The following AHR variants were observed in gnomAD, a reference collection of about 807,000 sequenced individuals.
AHR encodes the protein aryl hydrocarbon receptor.
A neutral mutation model predicts 86.8 loss-of-function variants in AHR; 40 were observed. The ratio of observed to expected loss-of-function variants is 0.46; its 90% confidence interval spans 0.36 to 0.60. The LOEUF (loss-of-function observed/expected upper bound fraction) is 0.60. Ranked by LOEUF, AHR falls within the 20% of genes least tolerant of loss-of-function variation. AHR has a pLI of 0.00. For missense variants in AHR, 1,001 were observed against 1,011.6 expected, an observed-to-expected ratio of 0.99 and a Z score of 0.14; for synonymous variants, 398 against 354.9, an observed-to-expected ratio of 1.12 and a Z score of -1.37.
rs553040039 is a variant in AHR at position 17,324,497 on chromosome 7, A to C, written c.360+1890A>C. ...TTGCTTAACAAAGGCATATGAAGAA[A>C]ATGTTACAAAAATTTTTATTAAAGG... On this transcript the variant is annotated intron_variant, in intron 3 of 10. Coordinates refer to ENST00000242057, the MANE Select transcript of AHR (RefSeq NM_001621.5). Among the ~76,000 whole-genome samples, 8 of 152,286 alleles carry C rather than the reference A, an allele frequency of 5.3e-5. No individual in the cohort carries two copies. The South Asian group carries it at 1.7e-3, about 32-fold the overall frequency.
At chr7:17,340,954 C>T (rs1584044298) in intron 10 of AHR, among the ~76,000 whole-genome samples, 1 of 151,966 alleles carries the variant, frequency 6.6e-6, no homozygotes, top group East Asian at 1.9e-4. Context: ...AGTGAGCACA[C>T]TTTAAATCTA....
At chr7:17,330,996 G>A in intron 6 of AHR, 110 bp downstream of exon 6, 2 of 1,194,896 alleles carry the variant, frequency 1.7e-6, no homozygotes, top group East Asian at 2.5e-5. Flanking sequence ...CCCAAATCAG[G>A]CAACCCTCAG....
At chr7:17,330,685 T>C in intron 5 of AHR, 71 bp from the exon 6 acceptor site, 1 of 1,376,076 alleles carries the variant, frequency 7.3e-7, no homozygotes, top group Non-Finnish European at 9.7e-7. Flanking sequence ...CTAATACAAA[T>C]TTTACCTATT....
At chr7:17,309,802 A>C in intron 1 of AHR, 134 bp from the exon 2 acceptor site, 1 of 697,846 alleles carries the variant, frequency 1.4e-6, no homozygotes, top group South Asian at 3.5e-5. Context: ...TTTTAGAAAG[A>C]CTTACGTAAA....
Position 17,329,909 on chromosome 7 carries a change from T to C in AHR, c.451-43T>C, listed in dbSNP as rs768951335. 3 of 1,549,424 alleles carry C rather than the reference T, an allele frequency of 1.9e-6. No homozygotes were observed. The East Asian group carries it at 6.8e-5, about 35-fold the overall frequency. On this transcript the variant is annotated intron_variant, in intron 4 of 10. Coordinates refer to ENST00000242057, the MANE Select transcript of AHR (RefSeq NM_001621.5). Reference sequence around the variant, plus strand: ...TTAAAATTAATTTAGCCATATTTTTTAATCAGTCCTTTTGTTGTATTCCTT... The same window carrying C: ...TTAAAATTAATTTAGCCATATTTTTCAATCAGTCCTTTTGTTGTATTCCTT...
intron 1 of AHR, among the ~76,000 whole-genome samples, chr7:17,300,301 T>A (rs1781941665): frequency 6.6e-6 from 1 of 152,232 alleles, no homozygotes; most frequent in African/African-American, 2.4e-5. Flanking sequence ...TCTAGATCTC[T>A]GAGTTACTTT....
At chr7:17,300,581 C>G (rs1265696415) in intron 1 of AHR, among the ~76,000 whole-genome samples, 1 of 152,122 alleles carries the variant, frequency 6.6e-6, no homozygotes, top group Non-Finnish European at 1.5e-5. Flanking sequence ...TATAAATAGA[C>G]TGATGAAAAT....
intron 1 of AHR, among the ~76,000 whole-genome samples, chr7:17,307,328 G>A (rs79262512): frequency 0.026 from 3,887 of 152,162 alleles, 66 homozygotes; most frequent in Middle Eastern, 0.051. Context: ...GAAGTTGTTT[G>A]TATGGAATAT....
Position 17,339,837 on chromosome 7 carries a change from A to G in AHR, c.2012A>G (p.Gln671Arg). 1.2e-6 allele frequency: 2 copies of G among 1,614,214 alleles called. No homozygotes were observed. The highest frequency in any genetic ancestry group is 2.2e-5 in the East Asian group (1 of 44,884). The change falls in exon 10 of 11, where the codon CAA (glutamine) becomes CGA (arginine). Residue 671 changes from glutamine to arginine, a missense_variant. Transcript: ENST00000242057. ...AATTGTCCACAGCAAGACCCACAAC[A>G]ATATAATGTCTTTACAGACTTACAT... ...PFNCPQQDPQ[Q>R]YNVFTDLHGI...
chr7:17,326,873 A>G (rs1035520169), intron 3 of AHR, among the ~76,000 whole-genome samples: 1 of 152,162 alleles, frequency 6.6e-6, no homozygotes, highest in African/African-American at 2.4e-5. Context: ...GAATAGATCA[A>G]GTACCAAATT....
chr7:17,316,723 T>C (rs2282883), intron 2 of AHR, among the ~76,000 whole-genome samples: 80,241 of 151,938 alleles, frequency 0.53, 22,665 homozygotes, highest in Non-Finnish European at 0.63. Context: ...TCTCATACAA[T>C]TGTCATATTT....
rs537889537 is a variant in AHR at position 17,303,932 on chromosome 7, A to G, written c.65+4603A>G. Among the ~76,000 whole-genome samples, 6 of 152,286 alleles carry G rather than the reference A, an allele frequency of 3.9e-5. No individual in the cohort carries two copies. In the South Asian group the frequency reaches 1.2e-3, roughly 32 times the overall value. On this transcript the variant is annotated intron_variant, in intron 1 of 10. Transcript: ENST00000242057. ...CTTAAAAAATATTATTGTCAATTTC[A>G]TAGGCAAAAGTGTGGTTGGTAATTA...
intron 2 of AHR, among the ~76,000 whole-genome samples, chr7:17,317,116 G>GTTTTTTTTTTTTTTTTTTTTTTTTTTT (rs66779121): frequency 8.1e-6 from 1 of 123,684 alleles, no homozygotes. Context: ...GGAGAATTTT[G>GTTTTTTTTTTTTTTTTTTTTTTTTTTT]TTTTTTTTTT....
At chr7:17,310,893 G>A (rs1015989773) in intron 2 of AHR, among the ~76,000 whole-genome samples, 3 of 152,044 alleles carry the variant, frequency 2.0e-5, no homozygotes, top group African/African-American at 4.8e-5. Context: ...ATTAAAACAT[G>A]TTTTTCACTA....
intron 7 of AHR, among the ~76,000 whole-genome samples, 153 bp from the exon 8 acceptor site, chr7:17,334,734 A>G (rs922832794): frequency 6.6e-6 from 1 of 152,052 alleles, no homozygotes; most frequent in African/African-American, 2.4e-5. Context: ...GTTTACATGG[A>G]TGTGTTTAAT....
At chr7:17,317,004 TA>T (rs1196392570) in intron 2 of AHR, among the ~76,000 whole-genome samples, 1 of 151,900 alleles carries the variant, frequency 6.6e-6, no homozygotes, top group African/African-American at 2.4e-5. Flanking sequence ...TAGTAAATTC[TA>T]AAAATGAGAG....
At position 17,298,918 on chromosome 7, in the gene AHR, C is replaced by T; in HGVS notation, c.-347C>T. On this transcript the variant is annotated 5_prime_UTR_variant, in exon 1 of 11. Coordinates refer to ENST00000242057, the MANE Select transcript of AHR (RefSeq NM_001621.5). ...CCAGGCCAGGATTCTAAATAGACGG[C>T]CCAGGCTCCTCCTCCGCCCGGGCCG... 2.3e-6 allele frequency: 1 copy of T among 430,846 alleles called. No homozygotes were observed. The highest frequency in any genetic ancestry group is 7.2e-5 in the South Asian group (1 of 13,810). 26.7% of individuals were successfully genotyped at this position (430,846 alleles called of 1,614,324 possible). A position where few individuals can be genotyped will look rare whatever the true frequency, so the allele number is the denominator to read the frequency against.
chr7:17,300,758 G>C (rs547828030), intron 1 of AHR, among the ~76,000 whole-genome samples: 3 of 152,024 alleles, frequency 2.0e-5, no homozygotes, highest in Non-Finnish European at 4.4e-5. Context: ...GGTTAAAGTT[G>C]GGAGGCATCC....
intron 2 of AHR, among the ~76,000 whole-genome samples, chr7:17,321,924 T>A (rs756117428): frequency 3.2e-4 from 49 of 152,002 alleles, no homozygotes; most frequent in Non-Finnish European, 6.6e-4. Context: ...ATGAGTTAAT[T>A]TATAAATTTA....
Sources: gnomAD v4.1 joint callset for allele counts (sites outside exome capture counted in the v4.1 genomes callset) on GRCh38, gnomAD v4.1.1 for gene constraint, MANE v1.5 for transcripts, NCBI Gene and HGNC (gene_info 2026-07-23, HGNC 2026-07-21) for gene names.